Variants in SGCZ observed in about 807,000 individuals in gnomAD.
The protein encoded by SGCZ is zeta-sarcoglycan.
SGCZ carries 40 observed loss-of-function variants against 41.3 expected under a neutral mutation model. The observed-to-expected ratio is 0.97, with a 90% CI of 0.75 to 1.26. SGCZ has a LOEUF of 1.26. Among genes scored for constraint, SGCZ ranks in the 50% most tolerant of loss-of-function variants. SGCZ has a pLI of 0.00. For synonymous variants in SGCZ, 206 were observed against 137.5 expected (o/e 1.50, Z -3.49); for missense variants, 552 against 369.8 (o/e 1.49, Z -4.04).
At chr8:14,970,017 A>G (rs954792027) in intron 1 of SGCZ, among the ~76,000 whole-genome samples, 3 of 152,264 alleles carry the variant, frequency 2.0e-5, no homozygotes, top group South Asian at 4.1e-4. Flanking sequence ...TCCAACACTT[A>G]GTAATCATTT....
Position 14,309,032 on chromosome 8 carries a change from C to A in SGCZ, c.336+15071G>T, listed in dbSNP as rs1039679924. On this transcript the variant is annotated intron_variant, in intron 3 of 7. Coordinates refer to ENST00000382080, the MANE Select transcript of SGCZ (RefSeq NM_139167.4). ...GCCTCACTTTTACCAGAAAATGAAA[C>A]CGGAAGCCTCCCCTACTCTTAATTC... is the stretch of plus-strand genomic sequence containing the variant. 26 of 1,243,924 alleles carry A rather than the reference C, an allele frequency of 2.1e-5. No homozygotes were observed. In the African/African-American group the frequency reaches 3.8e-4, roughly 18 times the overall value. The allele number at this position is 1,243,924 out of a possible 1,614,324, so 77.1% of individuals were successfully genotyped here.
At chr8:14,094,729 T>G (rs1801790517) in intron 7 of SGCZ, among the ~76,000 whole-genome samples, 1 of 152,162 alleles carries the variant, frequency 6.6e-6, no homozygotes, top group South Asian at 2.1e-4. Context: ...CCACAATGGT[T>G]GAACTAATTT....
chr8:15,176,616 C>A (rs1175845345), intron 1 of SGCZ, among the ~76,000 whole-genome samples: 1 of 152,072 alleles, frequency 6.6e-6, no homozygotes, highest in Non-Finnish European at 1.5e-5. Context: ...CAATTTAAAT[C>A]CAATAATTGA....
chr8:15,098,943 A>C (rs1402673492), intron 1 of SGCZ, among the ~76,000 whole-genome samples: 4 of 152,326 alleles, frequency 2.6e-5, no homozygotes, highest in Non-Finnish European at 2.9e-5. Flanking sequence ...CTGTAATCCC[A>C]GCTACTCCGG....
chr8:14,551,588 TAA>T (rs1803861755), intron 2 of SGCZ, among the ~76,000 whole-genome samples: 2 of 44,418 alleles, frequency 4.5e-5, no homozygotes, highest in Non-Finnish European at 7.2e-5. Flanking sequence ...ATAATATATA[TAA>T]TATATATTAT....
At chr8:14,790,159 G>A (rs943143418) in intron 1 of SGCZ, among the ~76,000 whole-genome samples, 1 of 152,088 alleles carries the variant, frequency 6.6e-6, no homozygotes, top group Admixed American at 6.6e-5. Context: ...TGTGAAAGAC[G>A]ACTTTCTGAG....
At chr8:14,643,482 A>G (rs1000121655) in intron 1 of SGCZ, among the ~76,000 whole-genome samples, 1 of 151,590 alleles carries the variant, frequency 6.6e-6, no homozygotes, top group Non-Finnish European at 1.5e-5. Flanking sequence ...TATAAACATA[A>G]ATTATGTGGA....
chr8:14,169,883 A>G (rs182361192), intron 4 of SGCZ, among the ~76,000 whole-genome samples: 1 of 152,238 alleles, frequency 6.6e-6, no homozygotes, highest in East Asian at 1.9e-4. Context: ...AGTTAGTGAA[A>G]AAAGAAAGAA....
chr8:14,567,367 C>T (rs1268519306), intron 1 of SGCZ, among the ~76,000 whole-genome samples: 1 of 152,162 alleles, frequency 6.6e-6, no homozygotes, highest in Admixed American at 6.5e-5. Context: ...CCAATCGGCA[C>T]TCTGTATCTA....
At chr8:14,440,510 T>C (rs1415727795) in intron 2 of SGCZ, among the ~76,000 whole-genome samples, 3 of 151,998 alleles carry the variant, frequency 2.0e-5, no homozygotes, top group East Asian at 1.9e-4. Context: ...AACTCTTAGG[T>C]TTTTATTTTA....
intron 1 of SGCZ, among the ~76,000 whole-genome samples, chr8:15,132,248 C>G (rs1391520808): frequency 1.3e-5 from 2 of 152,088 alleles, no homozygotes; most frequent in African/African-American, 4.8e-5. Flanking sequence ...ACTAGAAGTC[C>G]CACATTCCTC....
At chr8:15,083,244 A>G (rs377514883) in intron 1 of SGCZ, among the ~76,000 whole-genome samples, 1 of 152,220 alleles carries the variant, frequency 6.6e-6, no homozygotes, top group East Asian at 1.9e-4. Flanking sequence ...CAAATCTATT[A>G]ATTTCCCATG....
intron 1 of SGCZ, among the ~76,000 whole-genome samples, chr8:14,577,139 G>T (rs1294898069): frequency 6.6e-6 from 1 of 152,148 alleles, no homozygotes; most frequent in South Asian, 2.1e-4. Flanking sequence ...AAGTGCATTT[G>T]CATTTGAGAA....
chr8:14,211,403 T>C (rs912579018), intron 4 of SGCZ, among the ~76,000 whole-genome samples: 2 of 152,188 alleles, frequency 1.3e-5, no homozygotes, highest in Non-Finnish European at 2.9e-5. Flanking sequence ...CCACTTATGA[T>C]GTCCCAGCAA....
chr8:14,188,604 A>C (rs1445708098), intron 4 of SGCZ, among the ~76,000 whole-genome samples: 1 of 152,116 alleles, frequency 6.6e-6, no homozygotes, highest in Non-Finnish European at 1.5e-5. Flanking sequence ...ATAATGGAAA[A>C]ATTCTGAAAT....
At chr8:14,236,215 A>G (rs1563202790) in intron 4 of SGCZ, among the ~76,000 whole-genome samples, 1 of 152,222 alleles carries the variant, frequency 6.6e-6, no homozygotes, top group South Asian at 2.1e-4. Flanking sequence ...AATCAGTTCT[A>G]TATCCATACA....
intron 2 of SGCZ, among the ~76,000 whole-genome samples, chr8:14,509,253 G>C (rs73664367): frequency 0.011 from 1,707 of 152,138 alleles, 35 homozygotes; most frequent in African/African-American, 0.038. Context: ...TACAACCCTT[G>C]TTAATTCAAG....
chr8:14,114,362 T>C (rs1802460516), intron 5 of SGCZ, among the ~76,000 whole-genome samples: 1 of 151,992 alleles, frequency 6.6e-6, no homozygotes, highest in South Asian at 2.1e-4. Context: ...ACTGTTATTA[T>C]GAGCATAGCC....
intron 2 of SGCZ, among the ~76,000 whole-genome samples, chr8:14,374,879 A>C (rs562059581): frequency 6.6e-6 from 1 of 152,336 alleles, no homozygotes; most frequent in African/African-American, 2.4e-5. Context: ...GATGAAGTCT[A>C]AGCATTGTTC....
Sources: allele counts gnomAD v4.1 joint callset (sites outside exome capture counted in the v4.1 genomes callset), GRCh38; gene constraint gnomAD v4.1.1; transcripts MANE v1.5; gene names NCBI Gene and HGNC (gene_info 2026-07-23, HGNC 2026-07-21).